The following HAO1 variants were observed in gnomAD, a reference collection of about 807,000 sequenced individuals.
HAO1 encodes the protein 2-Hydroxyacid oxidase 1.
A neutral mutation model predicts 39.7 loss-of-function variants in HAO1; 34 were observed. The ratio of observed to expected loss-of-function variants is 0.86; its 90% CI spans 0.65 to 1.14. HAO1 has a LOEUF of 1.14. Ranked by LOEUF, HAO1 falls within the 50% of genes most tolerant of loss-of-function variation. The probability of loss-of-function intolerance (pLI) is 0.00; values close to 1 mark genes in which losing one functional copy is unlikely to be tolerated. For synonymous variants in HAO1, 172 were observed against 173.2 expected (o/e 0.99, Z 0.05); for missense variants, 479 against 464.5 (o/e 1.03, Z -0.29).
chr20:7,889,979 C>A (rs2050166584), intron 5 of HAO1, among the ~76,000 whole-genome samples: 1 of 152,122 alleles, frequency 6.6e-6, no homozygotes. Context: ...ATAGCAAGTT[C>A]TTCTGTGCAA....
chr20:7,911,083 C>G (rs2050277377), intron 3 of HAO1, among the ~76,000 whole-genome samples: 1 of 152,174 alleles, frequency 6.6e-6, no homozygotes, highest in African/African-American at 2.4e-5. Flanking sequence ...TCCAGCATGC[C>G]TGGCATATTG....
intron 3 of HAO1, among the ~76,000 whole-genome samples, chr20:7,911,518 G>A (rs1222738289): frequency 2.0e-5 from 3 of 152,150 alleles, no homozygotes; most frequent in East Asian, 3.9e-4. Flanking sequence ...TACTGAACTG[G>A]CTTCATTCCT....
At chr20:7,889,062 C>T (rs2050162785) in intron 5 of HAO1, among the ~76,000 whole-genome samples, 2 of 152,078 alleles carry the variant, frequency 1.3e-5, no homozygotes, top group African/African-American at 4.8e-5. Flanking sequence ...AATTGCCAAC[C>T]CACAAAATTG....
chr20:7,899,055 T>C (rs2050209997), intron 4 of HAO1, among the ~76,000 whole-genome samples: 1 of 152,142 alleles, frequency 6.6e-6, no homozygotes, highest in African/African-American at 2.4e-5. Flanking sequence ...TCTGCCACCA[T>C]GTAGCTACAA....
At chr20:7,922,826 A>G (rs2050340653) in intron 2 of HAO1, among the ~76,000 whole-genome samples, 2 of 152,110 alleles carry the variant, frequency 1.3e-5, no homozygotes, top group African/African-American at 2.4e-5. Flanking sequence ...TCCATTTGCA[A>G]TGTAACTATA....
intron 5 of HAO1, among the ~76,000 whole-genome samples, chr20:7,893,385 A>C (rs1453659793): frequency 6.6e-6 from 1 of 152,156 alleles, no homozygotes; most frequent in Non-Finnish European, 1.5e-5. Context: ...GCAAAACCCC[A>C]TTCCTGCCTG....
chr20:7,899,420 T>C (rs1473178124), intron 4 of HAO1, among the ~76,000 whole-genome samples: 1 of 152,194 alleles, frequency 6.6e-6, no homozygotes, highest in African/African-American at 2.4e-5. Context: ...AAAGATTTAT[T>C]TGCAGGATGC....
At chr20:7,903,907 G>C (rs1029551619) in intron 4 of HAO1, among the ~76,000 whole-genome samples, 1 of 151,586 alleles carries the variant, frequency 6.6e-6, no homozygotes, top group African/African-American at 2.4e-5. Flanking sequence ...TGGTGGCAGT[G>C]GTCCTAGCTA....
Position 7,914,176 on chromosome 20 carries a change from G to A in HAO1, c.533C>T (p.Pro178Leu), listed in dbSNP as rs766148945. Reference sequence around the variant, plus strand: ...TGATCATGGTTACCTGAGTTGTGGCGGCAGTTTGAATCTGTTACGCACATC... The same window carrying A: ...TGATCATGGTTACCTGAGTTGTGGCAGCAGTTTGAATCTGTTACGCACATC... ...LDDVRNRFKL[P>L]PQLRMKNFET... The change falls in exon 3 of 8, where the codon CCG becomes CTG. Residue 178 changes from proline (P) to leucine (L), a missense_variant. Pro to Leu is a moderately conservative substitution (Grantham distance 98). Coordinates refer to ENST00000378789, the MANE Select transcript of HAO1 (RefSeq NM_017545.3). 9.9e-6 allele frequency: 16 copies of A among 1,613,764 alleles called. No homozygotes were observed. The highest frequency in any genetic ancestry group is 4.5e-5 in the East Asian group (2 of 44,850).
intron 1 of HAO1, among the ~76,000 whole-genome samples, chr20:7,935,216 C>A (rs761861371): frequency 6.6e-6 from 1 of 152,126 alleles, no homozygotes; most frequent in Non-Finnish European, 1.5e-5. Context: ...GAATAATATT[C>A]CATCATACAG....
At chr20:7,923,764 G>A (rs74634744) in intron 2 of HAO1, among the ~76,000 whole-genome samples, 6 of 152,158 alleles carry the variant, frequency 3.9e-5, no homozygotes, top group East Asian at 1.9e-4. Context: ...TAGGTCTGTA[G>A]TGCGACCTAA....
intron 4 of HAO1, among the ~76,000 whole-genome samples, chr20:7,903,172 A>G (rs1600109781): frequency 6.6e-6 from 1 of 152,184 alleles, no homozygotes. Context: ...TGTCATAGAG[A>G]TGATTCTTGT....
intron 4 of HAO1, among the ~76,000 whole-genome samples, chr20:7,899,449 G>A (rs995929068): frequency 6.6e-6 from 1 of 151,990 alleles, no homozygotes; most frequent in Admixed American, 6.6e-5. Flanking sequence ...ACTCTATTTG[G>A]GTTCTGTTTA....
intron 4 of HAO1, among the ~76,000 whole-genome samples, chr20:7,898,457 C>A (rs2050207018): frequency 6.6e-6 from 1 of 152,110 alleles, no homozygotes. Flanking sequence ...CATTTCTGTA[C>A]TTTAATTTCA....
chr20:7,935,025 T>C (rs1231775387), intron 1 of HAO1, among the ~76,000 whole-genome samples: 1 of 152,180 alleles, frequency 6.6e-6, no homozygotes, highest in Non-Finnish European at 1.5e-5. Context: ...CCCAGTTCAA[T>C]CCCCTGACAA....
intron 2 of HAO1, among the ~76,000 whole-genome samples, chr20:7,920,440 A>C (rs2050325596): frequency 6.6e-6 from 1 of 152,164 alleles, no homozygotes; most frequent in Non-Finnish European, 1.5e-5. Flanking sequence ...TTAAATACCT[A>C]ATCGTTTAGT....
chr20:7,885,272 GT>G (rs1032819178), intron 7 of HAO1, among the ~76,000 whole-genome samples: 4 of 152,108 alleles, frequency 2.6e-5, no homozygotes, highest in African/African-American at 9.7e-5. Context: ...AGAATATGAT[GT>G]TACAACCACC....
intron 7 of HAO1, 40 bp downstream of exon 7, chr20:7,885,481 C>A (rs779135395): frequency 6.9e-5 from 91 of 1,326,316 alleles, no homozygotes; most frequent in Non-Finnish European, 9.8e-5. Flanking sequence ...ACTTAAAGAT[C>A]ATAAAAGAAA....
intron 2 of HAO1, among the ~76,000 whole-genome samples, chr20:7,919,111 G>A (rs1429018066): frequency 6.6e-6 from 1 of 152,152 alleles, no homozygotes. Context: ...GGCAAAACCT[G>A]GCTCTTGCCT....
Sources: allele counts gnomAD v4.1 joint callset (sites outside exome capture counted in the v4.1 genomes callset), GRCh38; gene constraint gnomAD v4.1.1; transcripts MANE v1.5; gene names NCBI Gene and HGNC (gene_info 2026-07-23, HGNC 2026-07-21).